Variants in CLNS1A observed in about 807,000 individuals in gnomAD.
The protein encoded by CLNS1A is chloride nucleotide-sensitive channel 1A.
In CLNS1A, 16 loss-of-function variants were observed where a neutral mutation model predicts 29.4. That is an observed-to-expected ratio of 0.54 (90% CI 0.37 to 0.83). The LOEUF (loss-of-function observed/expected upper bound fraction) is 0.83. Among genes scored for constraint, CLNS1A ranks in the 40% least tolerant of loss-of-function variants. CLNS1A has a pLI of 0.00. For synonymous variants in CLNS1A, 96 were observed against 104.8 expected, an observed-to-expected ratio of 0.92 and a Z score of 0.51; for missense variants, 235 against 287.4, an observed-to-expected ratio of 0.82 and a Z score of 1.32.
intron 5 of CLNS1A, among the ~76,000 whole-genome samples, chr11:77,620,768 G>C (rs573281810): frequency 1.3e-5 from 2 of 152,148 alleles, no homozygotes; most frequent in Admixed American, 6.5e-5. Context: ...GATCACCTGA[G>C]GTCAGGAGTT....
chr11:77,632,995 G>A (rs1031049171), intron 1 of CLNS1A, among the ~76,000 whole-genome samples: 1 of 148,936 alleles, frequency 6.7e-6, no homozygotes, highest in African/African-American at 2.5e-5. Flanking sequence ...GCTGAGGCAG[G>A]AGAATTGGTT....
chr11:77,623,531 C>A (rs1590796500), intron 4 of CLNS1A, among the ~76,000 whole-genome samples: 1 of 150,830 alleles, frequency 6.6e-6, no homozygotes, highest in South Asian at 2.1e-4. Flanking sequence ...TTCAAGGCTG[C>A]AGTGGGTGGA....
chr11:77,636,587 C>T (rs1959128194), intron 1 of CLNS1A, among the ~76,000 whole-genome samples: 1 of 152,170 alleles, frequency 6.6e-6, no homozygotes, highest in Non-Finnish European at 1.5e-5. Flanking sequence ...GCCCCACGAC[C>T]TTCACTTTCT....
intron 3 of CLNS1A, chr11:77,625,502 G>A (rs545549112): frequency 2.0e-6 from 1 of 510,078 alleles, no homozygotes; most frequent in Non-Finnish European, 3.4e-6. Context: ...CCAGATGACA[G>A]AGTGTCTACA....
intron 4 of CLNS1A, among the ~76,000 whole-genome samples, chr11:77,623,376 G>A (rs1432270000): frequency 6.6e-6 from 1 of 152,078 alleles, no homozygotes; most frequent in Non-Finnish European, 1.5e-5. Context: ...GACTGCTTGA[G>A]CCCAGGAGTT....
At chr11:77,636,065 T>C (rs886683463) in intron 1 of CLNS1A, among the ~76,000 whole-genome samples, 11 of 152,050 alleles carry the variant, frequency 7.2e-5, no homozygotes, top group South Asian at 2.1e-4. Flanking sequence ...ATACACATTC[T>C]TTTTTTATTT....
At chr11:77,621,510 G>A (rs1335580320) in intron 5 of CLNS1A, among the ~76,000 whole-genome samples, 7 of 152,040 alleles carry the variant, frequency 4.6e-5, no homozygotes, top group African/African-American at 1.7e-4. Flanking sequence ...TGGGAGCGGT[G>A]GCAGGCGCCA....
rs1471473894 is a variant in CLNS1A, at chr11:77,625,705, T to G, written c.364+12A>C. 3 of 1,605,620 alleles carry G rather than the reference T, an allele frequency of 1.9e-6. No homozygotes were observed. The highest frequency in any genetic ancestry group is 2.6e-6 in the Non-Finnish European group (3 of 1,176,146). On this transcript the variant is annotated intron_variant, in intron 3 of 6. Transcript: ENST00000525428. The stretch of plus-strand genomic sequence containing the variant: ...TGTAAAAGGGGAAGAATCAATACTG[T>G]AGAACACTCACACGCTGATTTATCA...
rs747109219 is a variant in CLNS1A, at chr11:77,637,243, TA to T, written c.125+346del. 2.7e-3 allele frequency among the ~76,000 whole-genome samples: 115 copies of T among 43,160 alleles called. 1 individual carries two copies. Among genetic ancestry groups the T allele is most frequent in the South Asian group, 3.4e-3 (4 of 1,160 alleles). 28.3% of individuals were successfully genotyped at this position (43,160 alleles called of 152,430 possible). ...CCAGACCTCCAGTAAATAGGCGAGT[TA>T]AAAAAAAAAAAAAAAGAAAATAAAA... On this transcript the variant is annotated intron_variant, in intron 1 of 6. Coordinates refer to ENST00000525428, the MANE Select transcript of CLNS1A (RefSeq NM_001293.3).
chr11:77,634,160 T>G (rs1959100828), intron 1 of CLNS1A, among the ~76,000 whole-genome samples: 2 of 151,746 alleles, frequency 1.3e-5, no homozygotes, highest in African/African-American at 4.8e-5. Flanking sequence ...AAGCCGGAGA[T>G]TCTAAATCTT....
intron 1 of CLNS1A, among the ~76,000 whole-genome samples, chr11:77,634,862 A>C (rs1277803523): frequency 6.6e-6 from 1 of 151,582 alleles, no homozygotes; most frequent in Non-Finnish European, 1.5e-5. Context: ...TAGTGTGATC[A>C]CAGCTCACCG....
rs531653580 is a variant in CLNS1A at position 77,614,536 on chromosome 11, G to C, written c.*2182C>G. On this transcript the variant is annotated 3_prime_UTR_variant, in exon 7 of 7. Transcript: ENST00000525428. ...TAATTTTTGTATTTTCAGTAGAGAT[G>C]GGTTTTCACCGTATTGGCCAGGCTG... 8 of 151,384 alleles carry C rather than the reference G, an allele frequency of 5.3e-5. No homozygotes were observed. Among genetic ancestry groups the C allele is most frequent in the Admixed American group, 2.6e-4 (4 of 15,148 alleles). 9.4% of individuals were successfully genotyped at this position (151,384 alleles called of 1,614,324 possible).
intron 6 of CLNS1A, among the ~76,000 whole-genome samples, chr11:77,617,325 C>T (rs1195639979): frequency 2.2e-5 from 3 of 139,378 alleles, no homozygotes; most frequent in African/African-American, 8.1e-5. Flanking sequence ...GCCGATTGCA[C>T]CATTGCACTC....
Position 77,625,073 on chromosome 11 carries a change from G to A in CLNS1A, c.365-3C>T. 4 of 1,597,952 alleles carry A rather than the reference G, an allele frequency of 2.5e-6. No homozygotes were observed. Among genetic ancestry groups the A allele is most frequent in the Non-Finnish European group, 3.4e-6 (4 of 1,170,198 alleles). Reference sequence around the variant, plus strand: ...CATTGCAGTGAACATTGCCTCCACTGAACAAGGAAATTAAACTGTAACCAA... The same window carrying A: ...CATTGCAGTGAACATTGCCTCCACTAAACAAGGAAATTAAACTGTAACCAA... On this transcript the variant is annotated splice_region_variant and splice_polypyrimidine_tract_variant and intron_variant, in intron 3 of 6. Transcript: ENST00000525428.
At chr11:77,633,342 CAT>C (rs1341712941) in intron 1 of CLNS1A, among the ~76,000 whole-genome samples, 1 of 152,140 alleles carries the variant, frequency 6.6e-6, no homozygotes, top group African/African-American at 2.4e-5. Context: ...TGTAGAGAAA[CAT>C]AAAAGATTTC....
intron 5 of CLNS1A, chr11:77,621,825 T>A (rs1200823773): frequency 1.3e-5 from 5 of 382,856 alleles, no homozygotes; most frequent in Non-Finnish European, 2.6e-5. Context: ...GTGGTGGGTC[T>A]CATTTAATCA....
intron 5 of CLNS1A, among the ~76,000 whole-genome samples, chr11:77,620,782 G>A (rs1179979060): frequency 6.6e-6 from 1 of 152,092 alleles, no homozygotes; most frequent in African/African-American, 2.4e-5. Flanking sequence ...AGGAGTTAGA[G>A]ACCAGCCTGG....
intron 5 of CLNS1A, among the ~76,000 whole-genome samples, chr11:77,621,049 T>A (rs1361820141): frequency 6.9e-6 from 1 of 145,260 alleles, no homozygotes; most frequent in Non-Finnish European, 1.5e-5. Flanking sequence ...GTAATCCCAA[T>A]ACTTTGGGAG....
intron 1 of CLNS1A, among the ~76,000 whole-genome samples, chr11:77,631,569 G>A (rs532027371): frequency 5.3e-5 from 8 of 151,660 alleles, no homozygotes; most frequent in South Asian, 2.1e-4. Flanking sequence ...CACCCGCCTC[G>A]GCCTCCCAAA....
Sources: allele counts gnomAD v4.1 joint callset (sites outside exome capture counted in the v4.1 genomes callset), GRCh38; gene constraint gnomAD v4.1.1; transcripts MANE v1.5; gene names NCBI Gene and HGNC (gene_info 2026-07-23, HGNC 2026-07-21).